NTNG1: variants seen among roughly 807,000 people sequenced by gnomAD.
NTNG1 encodes netrin G1.
A neutral mutation model predicts 54.0 loss-of-function variants in NTNG1; 16 were observed. That is an observed-to-expected ratio of 0.30 (90% CI 0.20 to 0.45). NTNG1 has a LOEUF of 0.45. NTNG1 is among the 20% of genes least tolerant of loss of function. The pLI is 1.00. For synonymous variants in NTNG1, 255 were observed against 263.1 expected (o/e 0.97, Z 0.30); for missense variants, 530 against 678.7 (o/e 0.78, Z 2.43).
intron 3 of NTNG1, 117 bp downstream of exon 3, chr1:107,325,039 A>G: frequency 1.9e-6 from 2 of 1,042,014 alleles, no homozygotes; most frequent in East Asian, 2.4e-5. Flanking sequence ...TTCTTCAGGA[A>G]CTCCACTGTA....
intron 2 of NTNG1, among the ~76,000 whole-genome samples, chr1:107,212,430 C>G (rs1202843691): frequency 6.6e-6 from 1 of 152,078 alleles, no homozygotes; most frequent in Non-Finnish European, 1.5e-5. Context: ...CAGGTCTTAT[C>G]CAAGGCAACA....
chr1:107,226,577 A>G (rs946520325), intron 2 of NTNG1, among the ~76,000 whole-genome samples: 3 of 152,086 alleles, frequency 2.0e-5, no homozygotes, highest in Non-Finnish European at 2.9e-5. Context: ...TACTAACCTT[A>G]CTTTCCTTAG....
At chr1:107,178,102 T>A (rs1056017143) in intron 2 of NTNG1, among the ~76,000 whole-genome samples, 1 of 152,120 alleles carries the variant, frequency 6.6e-6, no homozygotes, top group African/African-American at 2.4e-5. Context: ...CTAAGTCTTA[T>A]GTCCTTTATT....
chr1:107,416,527 A>T (rs1425993572), intron 5 of NTNG1, among the ~76,000 whole-genome samples: 1 of 152,016 alleles, frequency 6.6e-6, no homozygotes, highest in African/African-American at 2.4e-5. Context: ...ATATAAGAAG[A>T]TCCATAAACT....
chr1:107,470,352 A>G (rs2101580506), intron 7 of NTNG1, among the ~76,000 whole-genome samples: 1 of 152,372 alleles, frequency 6.6e-6, no homozygotes, highest in African/African-American at 2.4e-5. Flanking sequence ...AAAGGACTAT[A>G]TTCTAGGCAA....
intron 5 of NTNG1, among the ~76,000 whole-genome samples, chr1:107,416,303 A>G (rs1226998340): frequency 6.6e-6 from 1 of 152,136 alleles, no homozygotes; most frequent in Non-Finnish European, 1.5e-5. Context: ...CTACATAATG[A>G]AAATTATTTG....
chr1:107,451,104 CTTTCTTTTTTT>C (rs1040637856), intron 7 of NTNG1, among the ~76,000 whole-genome samples: 5 of 108,892 alleles, frequency 4.6e-5, no homozygotes, highest in African/African-American at 1.1e-4. Context: ...TTCTTTCTTT[CTTTCTTTTTTT>C]TTTTTTTTTA....
chr1:107,202,343 G>C (rs1012631745), intron 2 of NTNG1, among the ~76,000 whole-genome samples: 1 of 151,624 alleles, frequency 6.6e-6, no homozygotes, highest in Non-Finnish European at 1.5e-5. Context: ...GGAAAATGTT[G>C]GTTATAATAG....
rs529201980 is a variant in NTNG1 at position 107,192,118 on chromosome 1, T to C, written c.246+43279T>C. 3.3e-5 allele frequency among the ~76,000 whole-genome samples: 5 copies of C among 152,270 alleles called. No homozygotes were observed. In the South Asian group the frequency reaches 8.3e-4, roughly 25 times the overall value. On this transcript the variant is annotated intron_variant, in intron 2 of 7. Coordinates refer to ENST00000370068, the MANE Select transcript of NTNG1 (RefSeq NM_001113226.3). Reference sequence around the variant, plus strand: ...TTTTATTTCATTGATCAGTGGTTTGTAGTTCTCCTTGAAGAGGTCCTTGAC... The same window carrying C: ...TTTTATTTCATTGATCAGTGGTTTGCAGTTCTCCTTGAAGAGGTCCTTGAC...
intron 2 of NTNG1, among the ~76,000 whole-genome samples, chr1:107,159,780 T>C (rs1248625504): frequency 1.3e-5 from 2 of 152,158 alleles, no homozygotes; most frequent in Non-Finnish European, 2.9e-5. Context: ...CCTCAGAAAA[T>C]TGGATTGTGT....
At chr1:107,437,684 G>T (rs1288373234) in intron 7 of NTNG1, among the ~76,000 whole-genome samples, 1 of 152,002 alleles carries the variant, frequency 6.6e-6, no homozygotes, top group Non-Finnish European at 1.5e-5. Context: ...AAAGAAATAA[G>T]ATAAATTAAT....
intron 2 of NTNG1, among the ~76,000 whole-genome samples, chr1:107,223,155 A>G (rs981507700): frequency 6.6e-6 from 1 of 152,088 alleles, no homozygotes; most frequent in South Asian, 2.1e-4. Flanking sequence ...GTGACTTTGA[A>G]CAAACTATTT....
intron 2 of NTNG1, among the ~76,000 whole-genome samples, chr1:107,282,037 C>G (rs942248495): frequency 6.6e-6 from 1 of 152,070 alleles, no homozygotes; most frequent in Non-Finnish European, 1.5e-5. Context: ...GAGTCTGACA[C>G]GTGGACTTTT....
intron 2 of NTNG1, among the ~76,000 whole-genome samples, chr1:107,294,638 A>C (rs1665832805): frequency 1.3e-5 from 2 of 152,210 alleles, no homozygotes; most frequent in African/African-American, 2.4e-5. Context: ...TAAATATGGT[A>C]GTTGATGAAG....
chr1:107,376,412 C>A (rs199908273), intron 3 of NTNG1, among the ~76,000 whole-genome samples: 41 of 148,886 alleles, frequency 2.8e-4, no homozygotes, highest in East Asian at 1.2e-3. Flanking sequence ...CGTCTCAAAA[C>A]AAAACAAAAA....
chr1:107,360,066 G>A (rs1438146293), intron 3 of NTNG1, among the ~76,000 whole-genome samples: 1 of 152,134 alleles, frequency 6.6e-6, no homozygotes, highest in African/African-American at 2.4e-5. Context: ...ACACCCTGTT[G>A]TCTTATACAG....
intron 2 of NTNG1, among the ~76,000 whole-genome samples, chr1:107,178,430 A>G (rs1656813698): frequency 6.6e-6 from 1 of 150,960 alleles, no homozygotes; most frequent in South Asian, 2.1e-4. Flanking sequence ...CCACATGTTT[A>G]TGAGGTCAGT....
chr1:107,300,111 G>A (rs992496230), intron 2 of NTNG1, among the ~76,000 whole-genome samples: 1 of 152,028 alleles, frequency 6.6e-6, no homozygotes, highest in Non-Finnish European at 1.5e-5. Flanking sequence ...TGCGGACCGA[G>A]GCATATTTGC....
chr1:107,312,530 A>G (rs1386067500), intron 2 of NTNG1, among the ~76,000 whole-genome samples: 1 of 152,158 alleles, frequency 6.6e-6, no homozygotes, highest in African/African-American at 2.4e-5. Flanking sequence ...TAAGTGGTAG[A>G]GCTGGAATTC....
Sources: allele counts gnomAD v4.1 joint callset (sites outside exome capture counted in the v4.1 genomes callset), GRCh38; gene constraint gnomAD v4.1.1; transcripts MANE v1.5; gene names NCBI Gene and HGNC (gene_info 2026-07-23, HGNC 2026-07-21).